The following CD53 variants were observed in gnomAD, a reference collection of about 807,000 sequenced individuals.
CD53 encodes the protein leukocyte surface antigen CD53.
In CD53, 20 loss-of-function variants were observed where a neutral mutation model predicts 27.3. The observed-to-expected ratio is 0.73, with a 90% CI of 0.52 to 1.07. CD53 has a LOEUF of 1.07. CD53 is among the 50% of genes least tolerant of loss of function. The probability of loss-of-function intolerance (pLI) is 0.00; values close to 1 mark genes in which losing one functional copy is unlikely to be tolerated. For synonymous variants in CD53, 106 were observed against 105.3 expected (o/e 1.01, Z -0.04); for missense variants, 216 against 264.0 (o/e 0.82, Z 1.26).
intron 7 of CD53, among the ~76,000 whole-genome samples, chr1:110,898,719 T>C (rs569097800): frequency 6.6e-6 from 1 of 151,820 alleles, no homozygotes; most frequent in East Asian, 1.9e-4. Context: ...AAGTGTTGGG[T>C]ATATCATAGA....
intron 1 of CD53, among the ~76,000 whole-genome samples, chr1:110,888,120 A>C (rs1206404428): frequency 6.6e-6 from 1 of 152,236 alleles, no homozygotes. Flanking sequence ...ACAAGGAAAC[A>C]AATTCTCTCC....
At chr1:110,875,935 A>T (rs1656116939) in intron 1 of CD53, among the ~76,000 whole-genome samples, 1 of 152,230 alleles carries the variant, frequency 6.6e-6, no homozygotes, top group Non-Finnish European at 1.5e-5. Flanking sequence ...TCTCTTCATT[A>T]TCCATTTCAT....
At chr1:110,898,881 C>T (rs987249706) in intron 7 of CD53, among the ~76,000 whole-genome samples, 1 of 152,158 alleles carries the variant, frequency 6.6e-6, no homozygotes, top group African/African-American at 2.4e-5. Context: ...GTGACTTCCT[C>T]AGAAGATAAA....
chr1:110,876,011 T>C (rs768449928), intron 1 of CD53, among the ~76,000 whole-genome samples: 1 of 152,206 alleles, frequency 6.6e-6, no homozygotes, highest in Non-Finnish European at 1.5e-5. Flanking sequence ...CCAAGAATTA[T>C]TGTAAAAGAA....
chr1:110,894,380 G>A lies in CD53; in HGVS notation c.306G>A (p.Leu102=). Residue 102 remains leucine, a synonymous_variant, in exon 4 of 8, where the codon CTG becomes CTA. Transcript: ENST00000271324. ...TTGCTGAGGTGACCTTGGCCATCCT[G>A]CTCTTTGTATATGAACAGAAGGTAA... The part of the protein sequence containing the change: ...ILLAEVTLAI[L]LFVYEQKLNE... The A allele has an allele frequency of 6.2e-7, 1 of 1,613,848 alleles. No homozygotes were observed. Among genetic ancestry groups the A allele is most frequent in the Non-Finnish European group, 8.5e-7 (1 of 1,179,734 alleles).
intron 1 of CD53, among the ~76,000 whole-genome samples, chr1:110,890,127 T>C (rs553613030): frequency 6.6e-6 from 1 of 152,284 alleles, no homozygotes; most frequent in South Asian, 2.1e-4. Context: ...GGAGATACTA[T>C]GGATTGCACA....
intron 1 of CD53, among the ~76,000 whole-genome samples, chr1:110,888,136 C>T (rs4839580): frequency 0.44 from 66,144 of 152,014 alleles, 15,844 homozygotes; most frequent in Admixed American, 0.56. Flanking sequence ...TCTCCCTGAG[C>T]CCTTAAGAAG....
At chr1:110,889,266 T>G (rs1656750753) in intron 1 of CD53, among the ~76,000 whole-genome samples, 1 of 151,940 alleles carries the variant, frequency 6.6e-6, no homozygotes. Context: ...TCTTTAAGAC[T>G]CAATAATTGG....
intron 1 of CD53, among the ~76,000 whole-genome samples, chr1:110,882,057 TCTGTGCC>T (rs1477873528): frequency 6.6e-6 from 1 of 152,222 alleles, no homozygotes; most frequent in Non-Finnish European, 1.5e-5. Context: ...TTTTGTCCCT[TCTGTGCC>T]TTGTCTTTTC....
chr1:110,899,032 A>G (rs1657190042), intron 7 of CD53, 92 bp from the exon 8 acceptor site: 2 of 899,984 alleles, frequency 2.2e-6, no homozygotes, highest in East Asian at 2.5e-5. Flanking sequence ...AGTGTAATGG[A>G]TACATTCTTT....
intron 4 of CD53, among the ~76,000 whole-genome samples, chr1:110,894,624 G>T (rs1656986492): frequency 6.6e-6 from 1 of 152,160 alleles, no homozygotes; most frequent in Non-Finnish European, 1.5e-5. Flanking sequence ...AGTAAAACAA[G>T]TGTCTCTTCC....
chr1:110,891,343 G>T, intron 1 of CD53, 49 bp from the exon 2 acceptor site: 1 of 1,259,066 alleles, frequency 7.9e-7, no homozygotes, highest in Middle Eastern at 2.0e-4. Context: ...CTGATCTCTG[G>T]CTACCTTACA....
intron 5 of CD53, among the ~76,000 whole-genome samples, chr1:110,896,141 T>G (rs1657053078): frequency 6.6e-6 from 1 of 152,224 alleles, no homozygotes; most frequent in African/African-American, 2.4e-5. Context: ...TATTTGTCCT[T>G]TAGACTTCTC....
At chr1:110,873,800 A>T (rs1656031802) in intron 1 of CD53, among the ~76,000 whole-genome samples, 1 of 152,204 alleles carries the variant, frequency 6.6e-6, no homozygotes, top group Non-Finnish European at 1.5e-5. Context: ...CAGTAACTGT[A>T]TTTTAAAAGG....
upstream of CD53, among the ~76,000 whole-genome samples, chr1:110,871,293 G>T (rs1350842897): frequency 6.6e-6 from 1 of 152,204 alleles, no homozygotes; most frequent in Non-Finnish European, 1.5e-5. Flanking sequence ...TTTCTATGGG[G>T]TTGGAGAGAG....
At chr1:110,891,299 G>C in intron 1 of CD53, 93 bp from the exon 2 acceptor site, 1 of 886,378 alleles carries the variant, frequency 1.1e-6, no homozygotes, top group South Asian at 1.4e-5. Flanking sequence ...TCAAACCCAA[G>C]GTAATGCTAG....
At chr1:110,875,974 A>C (rs962562512) in intron 1 of CD53, among the ~76,000 whole-genome samples, 2 of 152,250 alleles carry the variant, frequency 1.3e-5, no homozygotes, top group Admixed American at 1.3e-4. Flanking sequence ...CTACCCAAGC[A>C]ATAGCATCAA....
intron 1 of CD53, among the ~76,000 whole-genome samples, chr1:110,875,300 T>C (rs1371164125): frequency 6.6e-6 from 1 of 152,094 alleles, no homozygotes; most frequent in Non-Finnish European, 1.5e-5. Flanking sequence ...CACCAGAAAG[T>C]GGAGGGCAAG....
chr1:110,883,013 T>C (rs1656417463), intron 1 of CD53, among the ~76,000 whole-genome samples: 1 of 151,944 alleles, frequency 6.6e-6, no homozygotes, highest in South Asian at 2.1e-4. Context: ...ACAAAGCCAG[T>C]TTTACTTTTT....
Sources: gnomAD v4.1 joint callset for allele counts (sites outside exome capture counted in the v4.1 genomes callset) on GRCh38, gnomAD v4.1.1 for gene constraint, MANE v1.5 for transcripts, NCBI Gene and HGNC (gene_info 2026-07-23, HGNC 2026-07-21) for gene names.